The following NPAS3 variants were observed in gnomAD, a reference collection of about 807,000 sequenced individuals.
The protein encoded by NPAS3 is neuronal PAS domain protein 3.
Under a neutral mutation model 73.1 loss-of-function variants are expected in NPAS3, and 14 were observed. The ratio of observed to expected loss-of-function variants is 0.19; its 90% CI spans 0.13 to 0.30. The LOEUF is 0.30. Ranked by LOEUF, NPAS3 falls within the 10% of genes least tolerant of loss-of-function variation. The pLI is 1.00. For synonymous variants in NPAS3, 620 were observed against 541.5 expected (o/e 1.14, Z -2.01); for missense variants, 1,096 against 1,250.0 (o/e 0.88, Z 1.86).
intron 1 of NPAS3, among the ~76,000 whole-genome samples, chr14:32,968,939 C>T (rs1009492633): frequency 1.3e-5 from 2 of 152,120 alleles, no homozygotes; most frequent in Non-Finnish European, 2.9e-5. Context: ...TCTCCCTCTT[C>T]GTTGACAGGC....
chr14:33,355,285 G>T (rs986756324), intron 3 of NPAS3, among the ~76,000 whole-genome samples: 2 of 152,092 alleles, frequency 1.3e-5, no homozygotes, highest in Non-Finnish European at 2.9e-5. Context: ...TCCTTTTCCT[G>T]CAGTCCTCCA....
At chr14:33,412,199 A>C (rs184246646) in intron 4 of NPAS3, among the ~76,000 whole-genome samples, 1 of 152,026 alleles carries the variant, frequency 6.6e-6, no homozygotes, top group African/African-American at 2.4e-5. Flanking sequence ...GCTTATTGCA[A>C]CCTCCACCTC....
At chr14:33,593,553 G>T (rs1191321375) in intron 5 of NPAS3, among the ~76,000 whole-genome samples, 1 of 152,154 alleles carries the variant, frequency 6.6e-6, no homozygotes, top group African/African-American at 2.4e-5. Flanking sequence ...ATGCCAGCCA[G>T]CCCTGAGTCC....
chr14:33,684,862 G>A (rs2060043561), intron 6 of NPAS3, among the ~76,000 whole-genome samples: 1 of 152,204 alleles, frequency 6.6e-6, no homozygotes, highest in Non-Finnish European at 1.5e-5. Context: ...GATGAAAAGA[G>A]CAGGCAGAGC....
At chr14:33,328,446 CTTTTTTTTTTTTTTTTTTTTTTTTT>C (rs58411120) in intron 3 of NPAS3, among the ~76,000 whole-genome samples, 1 of 49,584 alleles carries the variant, frequency 2.0e-5, no homozygotes. Context: ...CTTTTCTTTT[CTTTTTTTTTTTTTTTTTTTTTTTTT>C]TTTTTTTTTT....
At chr14:33,095,599 G>T (rs1016152588) in intron 2 of NPAS3, among the ~76,000 whole-genome samples, 1 of 149,548 alleles carries the variant, frequency 6.7e-6, no homozygotes, top group Admixed American at 6.7e-5. Flanking sequence ...CTGGATGTTA[G>T]TATGGTATCA....
At chr14:33,631,285 C>A (rs1322333757) in intron 5 of NPAS3, among the ~76,000 whole-genome samples, 1 of 152,134 alleles carries the variant, frequency 6.6e-6, no homozygotes, top group Non-Finnish European at 1.5e-5. Context: ...GTCTAAAATA[C>A]CTTTGAGTTC....
At chr14:33,098,721 C>T (rs1169879550) in intron 2 of NPAS3, among the ~76,000 whole-genome samples, 1 of 152,172 alleles carries the variant, frequency 6.6e-6, no homozygotes, top group Non-Finnish European at 1.5e-5. Flanking sequence ...TCAAACTAGA[C>T]TTTTCATATT....
chr14:33,333,927 GAT>G (rs1481638250), intron 3 of NPAS3, among the ~76,000 whole-genome samples: 1 of 152,202 alleles, frequency 6.6e-6, no homozygotes, highest in African/African-American at 2.4e-5. Flanking sequence ...TCCTCTTTTA[GAT>G]AGGATATGTG....
chr14:33,124,633 T>A (rs1443684347), intron 2 of NPAS3, among the ~76,000 whole-genome samples: 3 of 152,102 alleles, frequency 2.0e-5, no homozygotes, highest in Non-Finnish European at 4.4e-5. Flanking sequence ...GATTGATACA[T>A]GTATCCTCAA....
chr14:33,512,561 C>G (rs1299235571), intron 4 of NPAS3, among the ~76,000 whole-genome samples: 1 of 152,038 alleles, frequency 6.6e-6, no homozygotes, highest in Admixed American at 6.6e-5. Context: ...AATGGGGTCC[C>G]TGAGCAGCTA....
chr14:33,652,934 T>C (rs1274745969), intron 5 of NPAS3, among the ~76,000 whole-genome samples: 1 of 152,188 alleles, frequency 6.6e-6, no homozygotes, highest in African/African-American at 2.4e-5. Context: ...CAATTTAGGT[T>C]TCCAAAGTGA....
chr14:33,497,090 C>A (rs912293580), intron 4 of NPAS3, among the ~76,000 whole-genome samples: 1 of 152,102 alleles, frequency 6.6e-6, no homozygotes, highest in African/African-American at 2.4e-5. Context: ...AGTGAACTCC[C>A]ATTCACAATT....
intron 2 of NPAS3, among the ~76,000 whole-genome samples, chr14:33,094,465 A>C (rs1362666234): frequency 1.4e-5 from 2 of 147,684 alleles, no homozygotes; most frequent in African/African-American, 2.6e-5. Flanking sequence ...TGTATGATAA[A>C]GGATTTTTTT....
At chr14:33,070,488 A>G (rs1268853635) in intron 2 of NPAS3, among the ~76,000 whole-genome samples, 5 of 152,284 alleles carry the variant, frequency 3.3e-5, no homozygotes, top group African/African-American at 7.2e-5. Flanking sequence ...TGAGCTCAGT[A>G]TTACTGATCC....
At chr14:33,574,921 T>C (rs1026232160) in intron 5 of NPAS3, among the ~76,000 whole-genome samples, 3 of 152,116 alleles carry the variant, frequency 2.0e-5, no homozygotes, top group Admixed American at 6.5e-5. Context: ...AACAAGAGTA[T>C]GTAGTGACTT....
At chr14:32,978,282 G>C (rs764033436) in intron 1 of NPAS3, among the ~76,000 whole-genome samples, 3 of 152,176 alleles carry the variant, frequency 2.0e-5, no homozygotes, top group African/African-American at 4.8e-5. Context: ...TGGGAGTTGG[G>C]ATGGGGACAG....
chr14:33,055,677 A>C (rs1356815054), intron 1 of NPAS3, among the ~76,000 whole-genome samples: 2 of 152,094 alleles, frequency 1.3e-5, no homozygotes, highest in African/African-American at 4.8e-5. Context: ...AAAAAAAAAC[A>C]AAACAAAACT....
intron 4 of NPAS3, among the ~76,000 whole-genome samples, chr14:33,372,678 G>A (rs2046144011): frequency 1.3e-5 from 2 of 152,150 alleles, no homozygotes; most frequent in South Asian, 4.1e-4. Context: ...AGGGTTCAAG[G>A]GATGTCAGTC....
Sources: allele counts gnomAD v4.1 joint callset (sites outside exome capture counted in the v4.1 genomes callset), GRCh38; gene constraint gnomAD v4.1.1; transcripts MANE v1.5; gene names NCBI Gene and HGNC (gene_info 2026-07-23, HGNC 2026-07-21).